PMPCA: variants seen among roughly 807,000 people sequenced by gnomAD.
PMPCA encodes peptidase, mitochondrial processing subunit alpha, also known as mitochondrial-processing peptidase subunit alpha.
In PMPCA, 47 loss-of-function variants were observed where a neutral mutation model predicts 59.3. The observed-to-expected ratio is 0.79, with a 90% CI of 0.63 to 1.01. The LOEUF (loss-of-function observed/expected upper bound fraction) is 1.01, where lower values mean the gene tolerates loss of function less well. Among genes scored for constraint, PMPCA ranks in the 50% least tolerant of loss-of-function variants. PMPCA has a pLI of 0.00. For synonymous variants in PMPCA, 338 were observed against 290.3 expected, an observed-to-expected ratio of 1.16 and a Z score of -1.67; for missense variants, 726 against 704.5, an observed-to-expected ratio of 1.03 and a Z score of -0.34.
Position 136,411,989 on chromosome 9 carries a change from T to A in PMPCA, c.72-8T>A. On this transcript the variant is annotated splice_polypyrimidine_tract_variant and splice_region_variant and intron_variant, in intron 1 of 12. Coordinates refer to ENST00000371717, the MANE Select transcript of PMPCA (RefSeq NM_015160.3). ...CCTGTTGTAACTGGGCCGCTTTCTCTGTTTTAGGTTTGGACCTCCTGCGTA... is the reference window on the plus strand; with the variant it reads ...CCTGTTGTAACTGGGCCGCTTTCTCAGTTTTAGGTTTGGACCTCCTGCGTA... 1.3e-6 allele frequency: 2 copies of A among 1,587,096 alleles called. No individual in the cohort carries two copies. The highest frequency in any genetic ancestry group is 1.7e-6 in the Non-Finnish European group (2 of 1,156,628).
chr9:136,419,990 A>G (rs1022676668), intron 11 of PMPCA: 4 of 134,818 alleles, frequency 3.0e-5, no homozygotes, highest in Non-Finnish European at 3.2e-5. Context: ...TTATACACAC[A>G]CTTTTTTTTT....
chr9:136,417,897 GC>G, intron 7 of PMPCA, 119 bp from the exon 8 acceptor site: 1 of 766,002 alleles, frequency 1.3e-6, no homozygotes. Flanking sequence ...TTAGGCATGA[GC>G]CACTGTGCCT....
At chr9:136,412,689 C>CT (rs1193086027) in intron 3 of PMPCA, 120 bp downstream of exon 3, 4 of 803,928 alleles carry the variant, frequency 5.0e-6, no homozygotes, top group Admixed American at 2.3e-5. Context: ...TAATAAAAGA[C>CT]TTTTAAGTTA....
chr9:136,421,933 C>T lies in PMPCA; in HGVS notation c.1365C>T (p.Ala455=). 6.2e-7 allele frequency: 1 copy of T among 1,612,776 alleles called. No homozygotes were observed. The highest frequency in any genetic ancestry group is 8.5e-7 in the Non-Finnish European group (1 of 1,179,840). ...AGGATGTGGGGAGGCAGGTGCTGGC[C>T]ACTCGCTCCAGAAAGCTGCCGCACG... ...IFEDVGRQVL[A]TRSRKLPHEL... The change falls in exon 12 of 13, where the codon GCC becomes GCT. Residue 455 remains alanine, a synonymous_variant. Coordinates refer to ENST00000371717, the MANE Select transcript of PMPCA (RefSeq NM_015160.3).
intron 2 of PMPCA, 22 bp downstream of exon 2, chr9:136,412,221 T>G (rs1324337670): frequency 6.4e-7 from 1 of 1,561,622 alleles, no homozygotes; most frequent in Non-Finnish European, 8.8e-7. Flanking sequence ...TGTGTTGTCG[T>G]GGGTGGTCCC....
chr9:136,412,636 A>C (rs1461602989), intron 3 of PMPCA, 67 bp downstream of exon 3: 1 of 856,990 alleles, frequency 1.2e-6, no homozygotes, highest in East Asian at 2.5e-5. Context: ...TTTCTTGTCT[A>C]TAATGGTTAT....
intron 11 of PMPCA, chr9:136,420,594 A>AT (rs1452053326): frequency 1.3e-5 from 2 of 152,150 alleles, no homozygotes; most frequent in African/African-American, 4.8e-5. Context: ...TTACTTTGGG[A>AT]TCCCGGTGTG....
chr9:136,418,757 CT>C lies in PMPCA; in HGVS notation c.1110-67del, dbSNP rs1588818305. 11 of 1,515,078 alleles carry C rather than the reference CT, an allele frequency of 7.3e-6. No individual in the cohort carries two copies. The East Asian group carries it at 2.0e-4, about 28-fold the overall frequency. 93.9% of individuals were successfully genotyped at this position (1,515,078 alleles called of 1,614,324 possible). On this transcript the variant is annotated intron_variant, in intron 9 of 12. Coordinates refer to ENST00000371717, the MANE Select transcript of PMPCA (RefSeq NM_015160.3). Reference sequence around the variant, plus strand: ...GACCATGAGGCCACCTTCCAGGTGACTTTTCTCCAGTTTCCCATGGCCTGAT... The same window carrying C: ...GACCATGAGGCCACCTTCCAGGTGACTTTCTCCAGTTTCCCATGGCCTGAT...
rs913613724 is a variant in PMPCA, at chr9:136,412,699, A to T, written c.355-111A>T. On this transcript the variant is annotated intron_variant, in intron 3 of 12. Coordinates refer to ENST00000371717, the MANE Select transcript of PMPCA (RefSeq NM_015160.3). ...AATGTTAATAAAAGACTTTTAAGTTAAAAGATAATTTTTGTATGTGTGTTA... is the reference window on the plus strand; with the variant it reads ...AATGTTAATAAAAGACTTTTAAGTTTAAAGATAATTTTTGTATGTGTGTTA... 10 of 822,564 alleles carry T rather than the reference A, an allele frequency of 1.2e-5. No individual in the cohort carries two copies. In the African/African-American group the frequency reaches 1.5e-4, roughly 13 times the overall value. 51.0% of individuals were successfully genotyped at this position (822,564 alleles called of 1,614,324 possible). A position where few individuals can be genotyped will look rare whatever the true frequency, so the allele number is the denominator to read the frequency against.
chr9:136,419,164 C>T, intron 11 of PMPCA, 58 bp downstream of exon 11: 1 of 1,467,308 alleles, frequency 6.8e-7, no homozygotes, highest in Non-Finnish European at 9.6e-7. Context: ...AGGAGACAGC[C>T]ACGTTGTAGG....
intron 12 of PMPCA, chr9:136,422,272 G>C (rs1356219307): frequency 5.3e-6 from 7 of 1,313,766 alleles, no homozygotes; most frequent in Non-Finnish European, 6.9e-6. Context: ...GAGCACTCAA[G>C]TTAGTAGGCG....
rs761300397 is a variant in PMPCA at position 136,419,104 on chromosome 9, A to G, written c.1261A>G (p.Thr421Ala). The G allele has an allele frequency of 9.3e-6, 15 of 1,613,052 alleles. No homozygotes were observed. Among genetic ancestry groups the G allele is most frequent in the Non-Finnish European group, 1.3e-5 (15 of 1,179,088 alleles). ...TATTTTAATGGGCGGAACCGTGGAC[A>G]CGGTAAGTGCAGTGTGGCGCCATTT... ...EFILMGGTVD[T>A]VELERAKTQL... The change falls in exon 11 of 13, where the codon ACG becomes GCG. Residue 421 changes from threonine to alanine, a missense_variant and splice_region_variant. Transcript: ENST00000371717.
At chr9:136,422,150 G>A (rs552547276) in intron 12 of PMPCA, 174 bp downstream of exon 12, 10 of 1,536,432 alleles carry the variant, frequency 6.5e-6, no homozygotes, top group South Asian at 4.8e-5. Context: ...TCGTGGGGTC[G>A]CAGACCTGGT....
At chr9:136,412,599 C>G (rs1252721174) in intron 3 of PMPCA, 30 bp downstream of exon 3, 2 of 1,174,606 alleles carry the variant, frequency 1.7e-6, no homozygotes. Context: ...ATTTTTTAGA[C>G]TATACTTTTG....
At chr9:136,418,714 A>C in intron 9 of PMPCA, 41 bp downstream of exon 9, 1 of 1,514,586 alleles carries the variant, frequency 6.6e-7, no homozygotes, top group Non-Finnish European at 9.2e-7. Context: ...CCACCAGGCC[A>C]GGCCAGGTGT....
chr9:136,411,004 T>C (rs1835088411), intron 1 of PMPCA: 1 of 376,750 alleles, frequency 2.7e-6, no homozygotes. Flanking sequence ...TCCGAGGCCA[T>C]GCCTCATATT....
Position 136,418,019 on chromosome 9 carries a change from A to G in PMPCA, c.900A>G (p.Leu300=). The G allele has an allele frequency of 9.9e-6, 16 of 1,610,988 alleles. No individual in the cohort carries two copies. The highest frequency in any genetic ancestry group is 1.3e-5 in the Non-Finnish European group (15 of 1,177,130). Residue 300 remains leucine (L), a splice_region_variant and synonymous_variant, in exon 8 of 13, where the codon CTA becomes CTG. Coordinates refer to ENST00000371717, the MANE Select transcript of PMPCA (RefSeq NM_015160.3). ...VAQYTGGIAK[L]ERDMSNVSLG... is the part of the protein sequence containing the mutation. Reference sequence around the variant, plus strand: ...CTTGCTTGTTTTCTTGGTTACAGCTAGAAAGAGACATGTCCAATGTCAGCC... The same window carrying G: ...CTTGCTTGTTTTCTTGGTTACAGCTGGAAAGAGACATGTCCAATGTCAGCC...
chr9:136,423,375 G>A lies in PMPCA; in HGVS notation c.*111G>A. 8.8e-7 allele frequency: 1 copy of A among 1,130,132 alleles called. No individual in the cohort carries two copies. The highest frequency in any genetic ancestry group is 2.6e-5 in the East Asian group (1 of 39,206). The allele number at this position is 1,130,132 out of a possible 1,614,324, so 70.0% of individuals were successfully genotyped here. ...AAAGCTGTCTGGTTGTATAAACGGTGCAAACAATGTCGCCACAGCACCCAC... is the reference window on the plus strand; with the variant it reads ...AAAGCTGTCTGGTTGTATAAACGGTACAAACAATGTCGCCACAGCACCCAC... On this transcript the variant is annotated 3_prime_UTR_variant, in exon 13 of 13. Coordinates refer to ENST00000371717, the MANE Select transcript of PMPCA (RefSeq NM_015160.3).
At chr9:136,422,930 C>T in intron 12 of PMPCA, 165 bp from the exon 13 acceptor site, 1 of 1,437,070 alleles carries the variant, frequency 7.0e-7, no homozygotes, top group Non-Finnish European at 9.1e-7. Context: ...TGTGGACTCA[C>T]CCTTGGCTAC....
Sources: gnomAD v4.1 joint callset for allele counts on GRCh38, gnomAD v4.1.1 for gene constraint, MANE v1.5 for transcripts, NCBI Gene and HGNC (gene_info 2026-07-23, HGNC 2026-07-21) for gene names.